DDIAS: variants seen among roughly 807,000 people sequenced by gnomAD.
The protein encoded by DDIAS is DNA damage-induced apoptosis suppressor protein.
Under a neutral mutation model 15.7 loss-of-function variants are expected in DDIAS, and 14 were observed. That is an observed-to-expected ratio of 0.89 (90% confidence interval 0.59 to 1.39). The LOEUF is 1.39. DDIAS is among the 40% of genes most tolerant of loss of function. DDIAS has a pLI of 0.00. For synonymous variants in DDIAS, 355 were observed against 395.9 expected (o/e 0.90, Z 1.23); for missense variants, 1,035 against 1,130.9 (o/e 0.92, Z 1.22).
intron 3 of DDIAS, among the ~76,000 whole-genome samples, chr11:82,920,073 G>C (rs1204319762): frequency 6.6e-6 from 1 of 152,106 alleles, no homozygotes; most frequent in African/African-American, 2.4e-5. Flanking sequence ...CTTATTATTG[G>C]TCTGTTCAGG....
chr11:82,924,897 A>C (rs1405621022), intron 3 of DDIAS, among the ~76,000 whole-genome samples: 1 of 152,206 alleles, frequency 6.6e-6, no homozygotes, highest in Non-Finnish European at 1.5e-5. Flanking sequence ...AAAGATAGCA[A>C]ATTACAGCTA....
chr11:82,909,775 T>C (rs1475010807), intron 1 of DDIAS, among the ~76,000 whole-genome samples: 1 of 152,164 alleles, frequency 6.6e-6, no homozygotes, highest in African/African-American at 2.4e-5. Context: ...ACCTTACTAA[T>C]GTATATATAA....
intron 1 of DDIAS, among the ~76,000 whole-genome samples, chr11:82,906,565 G>A (rs1039771093): frequency 6.6e-5 from 10 of 152,056 alleles, no homozygotes; most frequent in African/African-American, 2.4e-4. Flanking sequence ...CCCAGTGTAC[G>A]AGTCATGTTA....
rs7947780 is a variant in DDIAS, at chr11:82,932,718, G to T, written c.1380G>T (p.Arg460Ser). Reference sequence around the variant, plus strand: ...ATAAATTTCATGCAGACCACAGCAGGTTATCTGTGACTCCCCAGAGAACTA... The same window carrying T: ...ATAAATTTCATGCAGACCACAGCAGTTTATCTGTGACTCCCCAGAGAACTA... ...DIDKFHADHS[R>S]LSVTPQRTTG... Residue 460 changes from arginine (R) to serine (S), a missense_variant, in exon 6 of 6, where the codon AGG becomes AGT. By Grantham distance (110) the Arg-to-Ser change is moderately radical (BLOSUM62 -1). Transcript: ENST00000533655. The T allele has an allele frequency of 0.35, 567,114 of 1,613,634 alleles. 100,970 individuals carry two copies. Among genetic ancestry groups the T allele is most frequent in the Admixed American group, 0.39 (23,401 of 59,992 alleles).
intron 5 of DDIAS, among the ~76,000 whole-genome samples, chr11:82,930,780 G>A (rs1026829679): frequency 6.6e-6 from 1 of 151,884 alleles, no homozygotes; most frequent in Non-Finnish European, 1.5e-5. Context: ...TGACTTTGAA[G>A]GAGTAATAGT....
rs1011093001 is a variant in DDIAS, at chr11:82,931,984, A to T, written c.646A>T (p.Ser216Cys). 1 of 1,614,146 alleles carries T rather than the reference A, an allele frequency of 6.2e-7. No individual in the cohort carries two copies. Among genetic ancestry groups the T allele is most frequent in the Admixed American group, 1.7e-5 (1 of 60,020 alleles). ...ALDHSNSDLS[S>C]IYTSDSTSDF... The stretch of plus-strand genomic sequence containing the variant: ...AGATCACTCAAATAGTGATCTCAGC[A>T]GCATATATACTTCTGACAGCACTTC... The change falls in exon 6 of 6, where the codon AGC becomes TGC. Residue 216 changes from serine (S) to cysteine (C), a missense_variant. Physicochemically the swap from Ser to Cys is moderately radical, Grantham distance 112. Transcript: ENST00000533655.
intron 5 of DDIAS, among the ~76,000 whole-genome samples, chr11:82,931,483 C>G (rs555761092): frequency 6.6e-6 from 1 of 152,244 alleles, no homozygotes; most frequent in East Asian, 1.9e-4. Flanking sequence ...TCCTGAGTAG[C>G]TGAGACTACA....
intron 1 of DDIAS, among the ~76,000 whole-genome samples, chr11:82,908,173 ATCG>A (rs1860466911): frequency 1.3e-5 from 2 of 152,222 alleles, no homozygotes; most frequent in Admixed American, 1.3e-4. Flanking sequence ...AGGGAAGAAT[ATCG>A]TAGCCAAAGA....
At chr11:82,930,941 TAG>T (rs1431634407) in intron 5 of DDIAS, among the ~76,000 whole-genome samples, 1 of 152,162 alleles carries the variant, frequency 6.6e-6, no homozygotes, top group Non-Finnish European at 1.5e-5. Context: ...GTTAAAATCG[TAG>T]ACAGTCCTTT....
rs1220171412 is a variant in DDIAS, at chr11:82,933,151, G to C, written c.1813G>C (p.Asp605His). 1 of 1,610,056 alleles carries C rather than the reference G, an allele frequency of 6.2e-7. No individual in the cohort carries two copies. Among genetic ancestry groups the C allele is most frequent in the Non-Finnish European group, 8.5e-7 (1 of 1,179,746 alleles). Residue 605 changes from aspartate to histidine, a missense_variant, in exon 6 of 6, where the codon GAT (aspartate) becomes CAT (histidine). By Grantham distance (81) the Asp-to-His change is moderately conservative. Coordinates refer to ENST00000533655, the MANE Select transcript of DDIAS (RefSeq NM_145018.4). ...LCYRKYNDVS[D>H]LCKLENKQYC... is the part of the protein sequence containing the mutation. The stretch of plus-strand genomic sequence containing the variant: ...TTATAGGAAGTATAATGATGTCTCT[G>C]ATCTTTGCAAATTAGAAAATAAACA...
At chr11:82,903,496 G>A (rs76147775) in intron 1 of DDIAS, among the ~76,000 whole-genome samples, 6,635 of 152,152 alleles carry the variant, frequency 0.044, 209 homozygotes, top group African/African-American at 0.087. Flanking sequence ...AAACTGTATC[G>A]TACTAAGATT....
chr11:82,909,972 C>A (rs1860494853), intron 1 of DDIAS, among the ~76,000 whole-genome samples: 1 of 152,134 alleles, frequency 6.6e-6, no homozygotes. Flanking sequence ...GAATTAGTAT[C>A]ACTTTAACAT....
rs1334721964 is a variant in DDIAS at position 82,932,515 on chromosome 11, C to T, written c.1177C>T (p.Pro393Ser). Residue 393 changes from proline (P) to serine (S), a missense_variant, in exon 6 of 6, where the codon CCT becomes TCT. Pro to Ser is a moderately conservative substitution (Grantham distance 74). Coordinates refer to ENST00000533655, the MANE Select transcript of DDIAS (RefSeq NM_145018.4). Reference sequence around the variant, plus strand: ...TCAGAAGAGATCTGCATGTTGTCCACCTTCGTTACTCAGACTTGAAGAGAC... The same window carrying T: ...TCAGAAGAGATCTGCATGTTGTCCATCTTCGTTACTCAGACTTGAAGAGAC... ...SLQKRSACCPPSLLRLEETAS... is the reference protein window; with the variant it reads ...SLQKRSACCPSSLLRLEETAS... The T allele has an allele frequency of 5.6e-6, 9 of 1,614,052 alleles. No individual in the cohort carries two copies. The highest frequency in any genetic ancestry group is 7.6e-6 in the Non-Finnish European group (9 of 1,180,044).
intron 4 of DDIAS, among the ~76,000 whole-genome samples, chr11:82,929,189 T>TA (rs1860932574): frequency 6.6e-6 from 1 of 152,188 alleles, no homozygotes; most frequent in Non-Finnish European, 1.5e-5. Flanking sequence ...TAATCCAAGT[T>TA]ACAGAAATAG....
intron 1 of DDIAS, among the ~76,000 whole-genome samples, chr11:82,908,207 T>C (rs1379198909): frequency 6.6e-6 from 1 of 152,108 alleles, no homozygotes; most frequent in Non-Finnish European, 1.5e-5. Context: ...CACAAAAGCC[T>C]GAGAAGGGAA....
chr11:82,917,281 CTT>C (rs959241159), intron 3 of DDIAS, among the ~76,000 whole-genome samples: 1 of 152,026 alleles, frequency 6.6e-6, no homozygotes, highest in African/African-American at 2.4e-5. Context: ...TATTTGTAGT[CTT>C]TTATCTCTCA....
At chr11:82,928,670 A>T in intron 3 of DDIAS, 107 bp from the exon 4 acceptor site, 1 of 1,107,782 alleles carries the variant, frequency 9.0e-7, no homozygotes, top group Non-Finnish European at 1.3e-6. Flanking sequence ...GTTGTGTAGG[A>T]GCATTTATAC....
chr11:82,933,049 A>T lies in DDIAS; in HGVS notation c.1711A>T (p.Ser571Cys). The T allele has an allele frequency of 6.2e-7, 1 of 1,604,766 alleles. No individual in the cohort carries two copies. The highest frequency in any genetic ancestry group is 8.5e-7 in the Non-Finnish European group (1 of 1,178,772). ...ACCACACAGGGAGAGTGACCATTCT[A>T]GTCTAAATAACAAATATTTGAATGG... ...ISPHRESDHS[S>C]LNNKYLNGCG... is the part of the protein sequence containing the mutation. The change falls in exon 6 of 6, where the codon AGT becomes TGT. Residue 571 changes from serine (S) to cysteine (C), a missense_variant. Physicochemically the swap from Ser to Cys is moderately radical, Grantham distance 112 (BLOSUM62 -1). Coordinates refer to ENST00000533655, the MANE Select transcript of DDIAS (RefSeq NM_145018.4).
chr11:82,931,893 G>A lies in DDIAS; in HGVS notation c.555G>A (p.Leu185=). Reference sequence around the variant, plus strand: ...TCATTGACTACTTCCATCAACTTTTGCAGACTTTTAATTTCAGGAAACTTC... The same window carrying A: ...TCATTGACTACTTCCATCAACTTTTACAGACTTTTAATTTCAGGAAACTTC... ...FTVIDYFHQL[L]QTFNFRKLQC... Residue 185 remains leucine, a synonymous_variant, in exon 6 of 6, where the codon TTG becomes TTA. Transcript: ENST00000533655. 6.2e-7 allele frequency: 1 copy of A among 1,614,100 alleles called. No individual in the cohort carries two copies. Among genetic ancestry groups the A allele is most frequent in the East Asian group, 2.2e-5 (1 of 44,884 alleles).
Sources: gnomAD v4.1 joint callset for allele counts (sites outside exome capture counted in the v4.1 genomes callset) on GRCh38, gnomAD v4.1.1 for gene constraint, MANE v1.5 for transcripts, NCBI Gene and HGNC (gene_info 2026-07-23, HGNC 2026-07-21) for gene names.